Variants in TMEM132D observed in about 807,000 individuals in gnomAD.
The protein encoded by TMEM132D is mature OL transmembrane protein.
A neutral mutation model predicts 62.3 loss-of-function variants in TMEM132D; 21 were observed. The observed-to-expected ratio is 0.34, with a 90% CI of 0.24 to 0.49. The LOEUF is 0.49. Ranked by LOEUF, TMEM132D falls within the 20% of genes least tolerant of loss-of-function variation. TMEM132D has a pLI of 0.99. For missense variants in TMEM132D, 1,346 were observed against 1,402.8 expected (o/e 0.96, Z 0.65); for synonymous variants, 621 against 575.6 (o/e 1.08, Z -1.13).
intron 4 of TMEM132D, among the ~76,000 whole-genome samples, chr12:129,308,520 A>T (rs889496579): frequency 1.3e-5 from 2 of 152,240 alleles, no homozygotes; most frequent in South Asian, 4.1e-4. Context: ...ACTTTGGCCA[A>T]CGTTTCAATA....
intron 3 of TMEM132D, among the ~76,000 whole-genome samples, chr12:129,526,078 C>A (rs996560651): frequency 1.3e-5 from 2 of 152,196 alleles, no homozygotes; most frequent in African/African-American, 4.8e-5. Flanking sequence ...AACATACACA[C>A]AACAACTGTT....
At chr12:129,451,782 G>A (rs1444113432) in intron 3 of TMEM132D, among the ~76,000 whole-genome samples, 2 of 152,176 alleles carry the variant, frequency 1.3e-5, no homozygotes, top group Non-Finnish European at 2.9e-5. Context: ...AAGGCAGAAA[G>A]AGTATGCCAC....
At chr12:129,663,736 C>T (rs546644359) in intron 2 of TMEM132D, among the ~76,000 whole-genome samples, 129 of 152,246 alleles carry the variant, frequency 8.5e-4, no homozygotes, top group African/African-American at 2.9e-3. Flanking sequence ...CCATCTGTGG[C>T]GACCCAAGTA....
At chr12:129,101,820 G>A (rs1468281821) in intron 5 of TMEM132D, among the ~76,000 whole-genome samples, 1 of 152,164 alleles carries the variant, frequency 6.6e-6, no homozygotes, top group African/African-American at 2.4e-5. Flanking sequence ...GAAAAACACT[G>A]ACAGCAACCG....
chr12:129,565,206 G>A (rs1877336510), intron 2 of TMEM132D, among the ~76,000 whole-genome samples: 1 of 152,186 alleles, frequency 6.6e-6, no homozygotes, highest in African/African-American at 2.4e-5. Context: ...GCCCCACACA[G>A]GTGCATCAGC....
At chr12:129,727,945 C>A (rs1047663312) in intron 1 of TMEM132D, among the ~76,000 whole-genome samples, 2 of 152,240 alleles carry the variant, frequency 1.3e-5, no homozygotes, top group Non-Finnish European at 2.9e-5. Context: ...CCTCCCACTA[C>A]CATCCTTTTC....
chr12:129,504,970 C>T (rs1243406180), intron 3 of TMEM132D, among the ~76,000 whole-genome samples: 1 of 152,112 alleles, frequency 6.6e-6, no homozygotes, highest in Admixed American at 6.5e-5. Context: ...CATTGTTGAC[C>T]CACTGATAAT....
At chr12:129,898,213 ACT>A (rs1396053511) in intron 1 of TMEM132D, among the ~76,000 whole-genome samples, 2 of 152,346 alleles carry the variant, frequency 1.3e-5, no homozygotes, top group East Asian at 3.9e-4. Flanking sequence ...AAACCACTGC[ACT>A]GTCAGGTAAA....
At chr12:129,361,621 G>A (rs145821630) in intron 3 of TMEM132D, among the ~76,000 whole-genome samples, 138 of 152,232 alleles carry the variant, frequency 9.1e-4, no homozygotes, top group Non-Finnish European at 1.5e-3. Context: ...AATGTCCATG[G>A]CAAATGCTAT....
intron 1 of TMEM132D, among the ~76,000 whole-genome samples, chr12:129,789,969 T>C (rs1313475351): frequency 6.6e-6 from 1 of 152,222 alleles, no homozygotes; most frequent in African/African-American, 2.4e-5. Context: ...ATTATGATCA[T>C]GAAGCAGGAA....
chr12:129,596,080 G>A (rs1302187266), intron 2 of TMEM132D, among the ~76,000 whole-genome samples: 3 of 152,218 alleles, frequency 2.0e-5, no homozygotes, highest in African/African-American at 7.2e-5. Context: ...TTAAATGTGT[G>A]ATAATGTGAT....
intron 3 of TMEM132D, among the ~76,000 whole-genome samples, chr12:129,449,300 T>TA (rs2135725365): frequency 6.6e-6 from 1 of 152,316 alleles, no homozygotes; most frequent in East Asian, 1.9e-4. Flanking sequence ...GCTTTGAGAA[T>TA]AAGTTAGGTG....
At chr12:129,831,663 C>G (rs907118912) in intron 1 of TMEM132D, among the ~76,000 whole-genome samples, 6 of 152,144 alleles carry the variant, frequency 3.9e-5, no homozygotes, top group African/African-American at 4.8e-5. Flanking sequence ...CCTCCTGCTT[C>G]TAGTTTCAGT....
At chr12:129,886,910 C>T (rs887583531) in intron 1 of TMEM132D, among the ~76,000 whole-genome samples, 1 of 152,134 alleles carries the variant, frequency 6.6e-6, no homozygotes, top group Non-Finnish European at 1.5e-5. Context: ...CTTGCTGCTG[C>T]CATACGAAGA....
chr12:129,885,427 T>C (rs1162669645), intron 1 of TMEM132D, among the ~76,000 whole-genome samples: 1 of 152,238 alleles, frequency 6.6e-6, no homozygotes, highest in South Asian at 2.1e-4. Flanking sequence ...CTTGATTGCA[T>C]ATCAGAATCA....
At chr12:129,738,163 G>GA (rs201565182) in intron 1 of TMEM132D, among the ~76,000 whole-genome samples, 1,982 of 152,210 alleles carry the variant, frequency 0.013, 47 homozygotes, top group African/African-American at 0.043. Flanking sequence ...ATACCAGGGT[G>GA]AAAAAAATCA....
At chr12:129,801,194 C>G (rs1165485205) in intron 1 of TMEM132D, among the ~76,000 whole-genome samples, 1 of 152,230 alleles carries the variant, frequency 6.6e-6, no homozygotes, top group Non-Finnish European at 1.5e-5. Flanking sequence ...CGGGAAGCTC[C>G]AACTGGGTGG....
At chr12:129,458,015 A>G (rs1873534821) in intron 3 of TMEM132D, among the ~76,000 whole-genome samples, 1 of 152,120 alleles carries the variant, frequency 6.6e-6, no homozygotes, top group African/African-American at 2.4e-5. Flanking sequence ...AGAAACACCT[A>G]CCCACGGGCA....
chr12:129,635,579 C>G (rs1879454819), intron 2 of TMEM132D, among the ~76,000 whole-genome samples: 1 of 152,232 alleles, frequency 6.6e-6, no homozygotes, highest in Non-Finnish European at 1.5e-5. Flanking sequence ...CCACAGCTAA[C>G]ACTGAAACCA....
Sources: gnomAD v4.1 joint callset for allele counts (sites outside exome capture counted in the v4.1 genomes callset) on GRCh38, gnomAD v4.1.1 for gene constraint, MANE v1.5 for transcripts, NCBI Gene and HGNC (gene_info 2026-07-23, HGNC 2026-07-21) for gene names.